SI: variants seen among roughly 807,000 people sequenced by gnomAD.
The protein encoded by SI is sucrase-isomaltase, intestinal.
Under a neutral mutation model 253.3 loss-of-function variants are expected in SI, and 235 were observed. That is an observed-to-expected ratio of 0.93 (90% CI 0.83 to 1.03). SI has a LOEUF of 1.03. SI is among the 50% of genes least tolerant of loss of function. SI has a pLI of 0.00. For missense variants in SI, 2,442 were observed against 2,211.1 expected, an observed-to-expected ratio of 1.10 and a Z score of -2.09; for synonymous variants, 819 against 712.0, an observed-to-expected ratio of 1.15 and a Z score of -2.39.
chr3:165,043,563 G>A (rs1438154849), intron 16 of SI, among the ~76,000 whole-genome samples: 1 of 151,768 alleles, frequency 6.6e-6, no homozygotes, highest in Non-Finnish European at 1.5e-5. Context: ...TGTAACTGTA[G>A]GAATAAAATA....
rs1336464830 is a variant in SI, at chr3:164,996,791, AT to A, written c.4541-20del. 2.1e-6 allele frequency: 2 copies of A among 963,084 alleles called. No homozygotes were observed. Among genetic ancestry groups the A allele is most frequent in the South Asian group, 1.6e-5 (1 of 63,706 alleles). The allele number at this position is 963,084 out of a possible 1,614,324, so 59.7% of individuals were successfully genotyped here. Reference sequence around the variant, plus strand: ...ATCATACCTGAAAAAGTTAGAAAAAATATCTTAGAAAGTTATTATTTCATAT... The same window carrying A: ...ATCATACCTGAAAAAGTTAGAAAAAAATCTTAGAAAGTTATTATTTCATAT... On this transcript the variant is annotated intron_variant, in intron 38 of 47. Coordinates refer to ENST00000264382, the MANE Select transcript of SI (RefSeq NM_001041.4).
chr3:165,014,591 T>C (rs1394650324), intron 33 of SI, among the ~76,000 whole-genome samples: 3 of 152,142 alleles, frequency 2.0e-5, no homozygotes, highest in African/African-American at 7.2e-5. Flanking sequence ...TGTTGTTCAT[T>C]CTAGTTTTTA....
At chr3:165,047,564 A>T (rs934687160) in intron 15 of SI, among the ~76,000 whole-genome samples, 1 of 152,076 alleles carries the variant, frequency 6.6e-6, no homozygotes, top group East Asian at 1.9e-4. Flanking sequence ...ATATTCTGGT[A>T]AAATACAGTG....
At chr3:164,991,305 A>G (rs756177231) in intron 44 of SI, 48 bp downstream of exon 44, 5 of 1,605,756 alleles carry the variant, frequency 3.1e-6, no homozygotes, top group South Asian at 1.1e-5. Context: ...CAATGCTAGC[A>G]TGATGTATCT....
In SI at chr3:165,015,775, TAG is replaced by T. The variant is rs545331484; in HGVS notation, c.3888+175_3888+176del. On this transcript the variant is annotated intron_variant, in intron 32 of 47. Transcript: ENST00000264382. The stretch of plus-strand genomic sequence containing the variant: ...CTAGGGATATACCTAAATACAAAGG[TAG>T]CTGATCACAACCCATGCAAATAAAA... 2.0e-4 allele frequency among the ~76,000 whole-genome samples: 31 copies of T among 152,170 alleles called. 1 individual carries two copies. The South Asian group carries it at 4.8e-3, about 23-fold the overall frequency.
intron 17 of SI, among the ~76,000 whole-genome samples, chr3:165,042,751 C>T (rs1712904787): frequency 6.6e-6 from 1 of 152,096 alleles, no homozygotes; most frequent in African/African-American, 2.4e-5. Flanking sequence ...AGAATTCATA[C>T]TCTAAAAGCT....
At chr3:165,004,681 T>C (rs1718419131) in intron 37 of SI, among the ~76,000 whole-genome samples, 1 of 152,216 alleles carries the variant, frequency 6.6e-6, no homozygotes, top group African/African-American at 2.4e-5. Context: ...GTTAAATGAA[T>C]TAAGTAAGAC....
At chr3:164,990,664 G>T (rs1040006351) in intron 44 of SI, among the ~76,000 whole-genome samples, 1 of 151,996 alleles carries the variant, frequency 6.6e-6, no homozygotes, top group African/African-American at 2.4e-5. Context: ...ACCAAACACC[G>T]CATGTTCTCA....
chr3:164,987,111 A>C (rs1440810080), intron 45 of SI, 27 bp downstream of exon 45: 10 of 1,529,306 alleles, frequency 6.5e-6, no homozygotes, highest in Non-Finnish European at 7.3e-6. Flanking sequence ...ACATCAATTA[A>C]ATTTATCTAC....
At chr3:165,030,991 A>G in intron 24 of SI, 124 bp from the exon 25 acceptor site, 1 of 1,337,918 alleles carries the variant, frequency 7.5e-7, no homozygotes, top group African/African-American at 1.5e-5. Flanking sequence ...AAAATGTGGC[A>G]ACGAGGGCAA....
the SI span, among the ~76,000 whole-genome samples, chr3:165,084,289 A>T: frequency 6.6e-6 from 1 of 152,178 alleles, no homozygotes; most frequent in African/African-American, 2.4e-5. Flanking sequence ...TGTGGGAATT[A>T]AATTTCTATT....
rs532299382 is a variant in SI at position 165,057,809 on chromosome 3, T to C, written c.1398+1154A>G. Among the ~76,000 whole-genome samples the C allele has an allele frequency of 3.6e-4, 55 of 152,066 alleles. 1 individual carries two copies. Among genetic ancestry groups the C allele is most frequent in the Admixed American group, 2.9e-3 (44 of 15,224 alleles). On this transcript the variant is annotated intron_variant, in intron 12 of 47. Coordinates refer to ENST00000264382, the MANE Select transcript of SI (RefSeq NM_001041.4). ...CTCAAGCAAAAGCTGAGGGATTTCA[T>C]CAACACCAGACAAGTCCTATAAGAT... is the stretch of plus-strand genomic sequence containing the variant.
At chr3:165,029,568 GTGTATATATATACATATATA>G (rs1228556964) in intron 25 of SI, among the ~76,000 whole-genome samples, 78 of 91,994 alleles carry the variant, frequency 8.5e-4, no homozygotes, top group East Asian at 4.9e-3. Flanking sequence ...AAAAACTGTG[GTGTATATATATACATATATA>G]TGTATATATA....
Position 165,032,655 on chromosome 3 carries a change from T to C in SI, c.2603A>G (p.Gln868Arg). 2 of 1,607,146 alleles carry C rather than the reference T, an allele frequency of 1.2e-6. No individual in the cohort carries two copies. Among genetic ancestry groups the C allele is most frequent in the East Asian group, 4.5e-5 (2 of 44,582 alleles). The change falls in exon 24 of 48, where the codon CAG becomes CGG. Residue 868 changes from glutamine (Q) to arginine (R), a missense_variant. By Grantham distance (43) the Gln-to-Arg change is conservative. Transcript: ENST00000264382. ...LDIVCTHSSY[Q>R]EGTTLAFQTV... ...CTGAAATGCTAAGGTAGTTCCTTCC[T>C]GATATGATGAATGTGTGCACACAAT...
chr3:164,986,910 T>C (rs1717464984), intron 45 of SI, among the ~76,000 whole-genome samples: 1 of 152,190 alleles, frequency 6.6e-6, no homozygotes, highest in Admixed American at 6.5e-5. Context: ...ATTTCTTACC[T>C]AGACACTTAC....
chr3:165,067,351 G>T lies in SI; in HGVS notation c.624C>A (p.Asn208Lys). The T allele has an allele frequency of 2.5e-6, 4 of 1,608,178 alleles. No individual in the cohort carries two copies. The highest frequency in any genetic ancestry group is 2.2e-5 in the South Asian group (2 of 90,438). ...PFSIQVIRKS[N>K]GKTLFDTSIG... ...AATAATACACTTACAAAGTTTTACC[G>T]TTGCTTTTCCTAATAACTTGGATGC... is the stretch of plus-strand genomic sequence containing the variant. Residue 208 changes from asparagine to lysine, a missense_variant, in exon 6 of 48, where the codon AAC becomes AAA. Transcript: ENST00000264382.
chr3:165,055,303 C>T lies in SI; in HGVS notation c.1403G>A (p.Trp468Ter). ...ATCAGGGTATACTGTTAATCCTGGC[C>T]ATACCTAGAAGAATAGATCATTCAC... ...DGSTPIIGEV[W>*]PGLTVYPDFT... Residue 468 changes from tryptophan to a stop codon, truncating the protein, a stop_gained, in exon 13 of 48, where the codon TGG becomes TAG. Transcript: ENST00000264382. LOFTEE classifies it high-confidence loss of function. 1 of 1,542,992 alleles carries T rather than the reference C, an allele frequency of 6.5e-7. No homozygotes were observed. The highest frequency in any genetic ancestry group is 9.0e-7 in the Non-Finnish European group (1 of 1,116,678).
intron 40 of SI, 94 bp downstream of exon 40, chr3:164,996,441 T>C (rs1718011646): frequency 1.2e-6 from 1 of 813,346 alleles, no homozygotes; most frequent in Non-Finnish European, 2.2e-6. Flanking sequence ...ATAACATCAA[T>C]AAATATACCA....
intron 9 of SI, 114 bp from the exon 10 acceptor site, chr3:165,060,141 A>G: frequency 2.2e-6 from 2 of 912,212 alleles, no homozygotes; most frequent in South Asian, 1.5e-5. Flanking sequence ...ATTTAAGTTT[A>G]TATAATTTAA....
Sources: allele counts gnomAD v4.1 joint callset (sites outside exome capture counted in the v4.1 genomes callset), GRCh38; gene constraint gnomAD v4.1.1; transcripts MANE v1.5; gene names NCBI Gene and HGNC (gene_info 2026-07-23, HGNC 2026-07-21).